FBXL4: variants seen among roughly 807,000 people sequenced by gnomAD.
FBXL4 encodes the protein F-box and leucine rich repeat protein 4, also known as F-box/LRR-repeat protein 4.
In FBXL4, 40 loss-of-function variants were observed where a neutral mutation model predicts 58.9. That is an observed-to-expected ratio of 0.68 (90% CI 0.53 to 0.88). The LOEUF (loss-of-function observed/expected upper bound fraction) is 0.88, where lower values mean the gene tolerates loss of function less well. FBXL4 is among the 40% of genes least tolerant of loss of function. The pLI, the probability that FBXL4 is intolerant of heterozygous loss-of-function variation, is 0.00. For missense variants in FBXL4, 676 were observed against 734.4 expected (o/e 0.92, Z 0.92); for synonymous variants, 263 against 265.5 (o/e 0.99, Z 0.09).
In FBXL4 at chr6:98,874,476, C is replaced by CAAA. The variant is rs754204687; in HGVS notation, c.1703-36_1703-35insTTT. The CAAA allele has an allele frequency of 5.1e-6, 8 of 1,583,146 alleles. No individual in the cohort carries two copies. In the East Asian group the frequency reaches 9.0e-5, roughly 18 times the overall value. On this transcript the variant is annotated intron_variant, in intron 9 of 9. Transcript: ENST00000369244. The stretch of plus-strand genomic sequence containing the variant: ...GGAAACAAAACAAAACAAAACAAAA[C>CAAA]ACCTTAAGTATAACATTTATATAAT...
At chr6:98,900,815 G>C (rs892463052) in intron 6 of FBXL4, among the ~76,000 whole-genome samples, 1 of 152,146 alleles carries the variant, frequency 6.6e-6, no homozygotes, top group Non-Finnish European at 1.5e-5. Flanking sequence ...ATTCAAACTT[G>C]TATTATTTGA....
chr6:98,907,098 T>C (rs954277597), intron 5 of FBXL4, among the ~76,000 whole-genome samples: 1 of 152,172 alleles, frequency 6.6e-6, no homozygotes, highest in African/African-American at 2.4e-5. Context: ...TCGCAAAAAT[T>C]TTCTCCCATT....
chr6:98,903,644 TTTC>T (rs1475361684), intron 6 of FBXL4, among the ~76,000 whole-genome samples: 1 of 152,136 alleles, frequency 6.6e-6, no homozygotes, highest in African/African-American at 2.4e-5. Context: ...ATGGCTAAGT[TTTC>T]TTCTTATAAG....
At chr6:98,877,202 G>A (rs750988066) in intron 8 of FBXL4, among the ~76,000 whole-genome samples, 12 of 152,122 alleles carry the variant, frequency 7.9e-5, no homozygotes, top group Non-Finnish European at 1.5e-4. Context: ...TGTATGTATG[G>A]TGGAATCATG....
intron 1 of FBXL4, among the ~76,000 whole-genome samples, chr6:98,935,869 T>C (rs776924772): frequency 1.3e-5 from 2 of 151,434 alleles, no homozygotes; most frequent in African/African-American, 2.4e-5. Context: ...CTTTAGCAGA[T>C]ATGCAATGAT....
At chr6:98,913,671 T>C (rs996139496) in intron 5 of FBXL4, among the ~76,000 whole-genome samples, 4 of 152,194 alleles carry the variant, frequency 2.6e-5, no homozygotes, top group Non-Finnish European at 5.9e-5. Flanking sequence ...AAGCAGTGTG[T>C]AGAGGGAAAT....
chr6:98,888,131 T>C (rs1771101221), intron 7 of FBXL4, among the ~76,000 whole-genome samples: 1 of 152,222 alleles, frequency 6.6e-6, no homozygotes, highest in Admixed American at 6.5e-5. Context: ...AGGACCTGAT[T>C]TTGTAGAGAC....
At chr6:98,909,017 T>C (rs1771927604) in intron 5 of FBXL4, among the ~76,000 whole-genome samples, 1 of 152,242 alleles carries the variant, frequency 6.6e-6, no homozygotes, top group African/African-American at 2.4e-5. Flanking sequence ...ACTTCAATTT[T>C]AAAAAATTCT....
intron 7 of FBXL4, among the ~76,000 whole-genome samples, chr6:98,884,510 ACT>A (rs1257733003): frequency 1.3e-5 from 2 of 152,194 alleles, no homozygotes; most frequent in South Asian, 2.1e-4. Flanking sequence ...TTCTTTCAAC[ACT>A]CTGAAAACAT....
At chr6:98,879,117 T>G (rs1209895763) in intron 8 of FBXL4, among the ~76,000 whole-genome samples, 1 of 152,232 alleles carries the variant, frequency 6.6e-6, no homozygotes, top group African/African-American at 2.4e-5. Flanking sequence ...GAGGCATTTC[T>G]GAAGCCACAC....
chr6:98,874,451 G>T lies in FBXL4; in HGVS notation c.1703-10C>A, dbSNP rs747707911. On this transcript the variant is annotated splice_polypyrimidine_tract_variant and intron_variant, in intron 9 of 9. Transcript: ENST00000369244. ...CTTACCATTCTTGTTCCTATTTAAG[G>T]GAAACAAAACAAAACAAAACAAAAC... 1 of 1,598,180 alleles carries T rather than the reference G, an allele frequency of 6.3e-7. No homozygotes were observed.
intron 1 of FBXL4, 38 bp from the exon 2 acceptor site, chr6:98,934,917 A>C (rs2128409861): frequency 1.3e-5 from 2 of 152,358 alleles, no homozygotes; most frequent in South Asian, 4.1e-4. Context: ...CCAGAGGTAA[A>C]CAGTACCACT....
At chr6:98,888,053 G>A (rs959300303) in intron 7 of FBXL4, among the ~76,000 whole-genome samples, 9 of 152,206 alleles carry the variant, frequency 5.9e-5, no homozygotes, top group African/African-American at 1.7e-4. Flanking sequence ...GAATTAAAAT[G>A]TTGTTACTGA....
chr6:98,924,418 A>T (rs1251841173), intron 4 of FBXL4, among the ~76,000 whole-genome samples: 2 of 152,130 alleles, frequency 1.3e-5, no homozygotes, highest in South Asian at 4.1e-4. Context: ...TTAGCCAGGC[A>T]TGGTGGCACG....
chr6:98,910,479 C>A (rs1455100379), intron 5 of FBXL4, among the ~76,000 whole-genome samples: 2 of 152,038 alleles, frequency 1.3e-5, no homozygotes, highest in Non-Finnish European at 2.9e-5. Context: ...CAGTGAAACC[C>A]TGTCTCTACT....
chr6:98,891,722 C>CA (rs34788813), intron 7 of FBXL4, among the ~76,000 whole-genome samples: 2,414 of 108,256 alleles, frequency 0.022, 42 homozygotes, highest in African/African-American at 0.052. Context: ...CTATCTCTAC[C>CA]AAAAAAAAAA....
intron 4 of FBXL4, among the ~76,000 whole-genome samples, chr6:98,919,211 T>A (rs1366189588): frequency 6.6e-6 from 1 of 152,088 alleles, no homozygotes; most frequent in Non-Finnish European, 1.5e-5. Flanking sequence ...AATTTCTACC[T>A]TCAGGAATAA....
rs1772407944 is a variant in FBXL4 at position 98,917,503 on chromosome 6, C to G, written c.729G>C (p.Met243Ile). Residue 243 changes from methionine (M) to isoleucine (I), a missense_variant, in exon 5 of 10, where the codon ATG becomes ATC. Coordinates refer to ENST00000369244, the MANE Select transcript of FBXL4 (RefSeq NM_001278716.2). ...CATAGGCATCATCTTCTATATCATTCATGTCAATAAGTGAAGTCTTGAGAG... is the reference window on the plus strand; with the variant it reads ...CATAGGCATCATCTTCTATATCATTGATGTCAATAAGTGAAGTCTTGAGAG... ...VLSLKTSLID[M>I]NDIEDDAYAE... The G allele has an allele frequency of 6.2e-7, 1 of 1,613,952 alleles. No individual in the cohort carries two copies. Among genetic ancestry groups the G allele is most frequent in the African/African-American group, 1.3e-5 (1 of 74,926 alleles).
chr6:98,926,681 C>T lies in FBXL4; in HGVS notation c.308G>A (p.Trp103Ter). ...GGAAGCACTAGGACACTGATCCCAC[C>T]ATGTCCCATAAGTTCGAAACACAGC... ...QTAVFRTYGT[W>*]WDQCPSASLP... The change falls in exon 4 of 10, where the codon TGG becomes TAG. Residue 103 changes from tryptophan to a stop codon, truncating the protein, a stop_gained. Coordinates refer to ENST00000369244, the MANE Select transcript of FBXL4 (RefSeq NM_001278716.2). LOFTEE classifies it high-confidence loss of function. 1 of 1,614,168 alleles carries T rather than the reference C, an allele frequency of 6.2e-7. No homozygotes were observed. Among genetic ancestry groups the T allele is most frequent in the South Asian group, 1.1e-5 (1 of 91,080 alleles).
Sources: gnomAD v4.1 joint callset for allele counts (sites outside exome capture counted in the v4.1 genomes callset) on GRCh38, gnomAD v4.1.1 for gene constraint, MANE v1.5 for transcripts, NCBI Gene and HGNC (gene_info 2026-07-23, HGNC 2026-07-21) for gene names.